The following P4HA2 variants were observed in gnomAD, a reference collection of about 807,000 sequenced individuals.
The protein encoded by P4HA2 is prolyl 4-hydroxylase subunit alpha-2.
In P4HA2, 46 loss-of-function variants were observed where a neutral mutation model predicts 76.9. The ratio of observed to expected loss-of-function variants is 0.60; its 90% CI spans 0.47 to 0.76. The LOEUF (loss-of-function observed/expected upper bound fraction) is 0.76. Ranked by LOEUF, P4HA2 falls within the 30% of genes least tolerant of loss-of-function variation. P4HA2 has a pLI of 0.00. For missense variants in P4HA2, 583 were observed against 669.4 expected (o/e 0.87, Z 1.42); for synonymous variants, 243 against 254.0 (o/e 0.96, Z 0.41).
At chr5:132,219,408 A>G (rs1196123760) in intron 1 of P4HA2, among the ~76,000 whole-genome samples, 1 of 152,198 alleles carries the variant, frequency 6.6e-6, no homozygotes, top group Non-Finnish European at 1.5e-5. Context: ...TATGGCACAC[A>G]TGGCCAAAAC....
chr5:132,195,726 A>ATCCG (rs1418510000), intron 12 of P4HA2: 3 of 559,212 alleles, frequency 5.4e-6, no homozygotes, highest in Admixed American at 6.1e-5. Context: ...GGAGACCCAC[A>ATCCG]TCCGGGCTGT....
chr5:132,227,442 G>A (rs1755554860), intron 1 of P4HA2: 2 of 152,388 alleles, frequency 1.3e-5, no homozygotes, highest in South Asian at 2.1e-4. Flanking sequence ...GCAGCCCGGG[G>A]TCAGGCCGCC....
At chr5:132,220,615 A>G (rs1015088125) in intron 1 of P4HA2, among the ~76,000 whole-genome samples, 7 of 152,164 alleles carry the variant, frequency 4.6e-5, no homozygotes, top group Non-Finnish European at 8.8e-5. Flanking sequence ...CCTATCATCT[A>G]CGGTTCATAC....
rs373102673 is a variant in P4HA2, at chr5:132,193,114, T to C, written c.1532-34A>G. ...AGAAAGCAAGCATGTTACAATCCTA[T>C]TGGTCAGTTTAGTAGCCTGAATGAA... On this transcript the variant is annotated intron_variant, in intron 14 of 14. Coordinates refer to ENST00000360568, the MANE Select transcript of P4HA2 (RefSeq NM_001017974.2). The C allele has an allele frequency of 9.2e-6, 14 of 1,515,300 alleles. No homozygotes were observed. In the African/African-American group the frequency reaches 1.2e-4, roughly 13 times the overall value. The allele number at this position is 1,515,300 out of a possible 1,614,324, so 93.9% of individuals were successfully genotyped here. A position where few individuals can be genotyped will look rare whatever the true frequency, so the allele number is the denominator to read the frequency against.
chr5:132,195,422 C>T lies in P4HA2; in HGVS notation c.1424G>A (p.Trp475Ter). The change falls in exon 13 of 15, where the codon TGG (tryptophan) becomes TAG (stop). Residue 475 changes from tryptophan (W) to a stop codon, truncating the protein, a stop_gained. Transcript: ENST00000360568. LOFTEE classifies it high-confidence loss of function. ...TVFPDLGAAI[W>*]PKKGTAVFWY... is the part of the protein sequence containing the mutation. ...AGAATCAGAACTTACCTTCTTAGGC[C>T]AAATTGCAGCCCCCAGATCAGGGAA... The T allele has an allele frequency of 6.2e-7, 1 of 1,612,444 alleles. No individual in the cohort carries two copies. Among genetic ancestry groups the T allele is most frequent in the Non-Finnish European group, 8.5e-7 (1 of 1,178,464 alleles).
In P4HA2 at chr5:132,216,965, TA is replaced by T. The variant is rs547874807; in HGVS notation, c.331+231del. ...GCAAAAAATAAGAAAAGACAGACAC[TA>T]AAAAAAAGACGCTAAAAAAAGAACT... On this transcript the variant is annotated intron_variant, in intron 4 of 14. Coordinates refer to ENST00000360568, the MANE Select transcript of P4HA2 (RefSeq NM_001017974.2). Among the ~76,000 whole-genome samples, 379 of 151,612 alleles carry T rather than the reference TA, an allele frequency of 2.5e-3. 1 individual carries two copies. The highest frequency in any genetic ancestry group is 9.0e-3 in the African/African-American group (370 of 41,302).
At chr5:132,221,791 C>CT (rs1462038924) in intron 1 of P4HA2, among the ~76,000 whole-genome samples, 5 of 152,236 alleles carry the variant, frequency 3.3e-5, no homozygotes, top group African/African-American at 1.2e-4. Context: ...CTCAAACAGA[C>CT]TCCAAACGGG....
chr5:132,199,981 G>GCCTCCCA (rs1751252145), intron 10 of P4HA2: 1 of 152,340 alleles, frequency 6.6e-6, no homozygotes. Flanking sequence ...TGAGAGGACT[G>GCCTCCCA]CTTGAGCTCA....
intron 1 of P4HA2, among the ~76,000 whole-genome samples, chr5:132,220,900 G>A (rs1754568313): frequency 6.6e-6 from 1 of 152,176 alleles, no homozygotes; most frequent in African/African-American, 2.4e-5. Flanking sequence ...AACTAACTCT[G>A]CTAGCCTGGA....
chr5:132,215,767 C>T (rs1388574968), intron 4 of P4HA2, among the ~76,000 whole-genome samples: 2 of 144,856 alleles, frequency 1.4e-5, no homozygotes, highest in Non-Finnish European at 3.0e-5. Flanking sequence ...GGCCAGGAGT[C>T]CAAGGTTGCA....
At chr5:132,204,600 T>G (rs542890365) in intron 8 of P4HA2, among the ~76,000 whole-genome samples, 73 of 152,254 alleles carry the variant, frequency 4.8e-4, no homozygotes, top group Admixed American at 8.5e-4. Context: ...TTGAGTCAAG[T>G]TCCACCATCC....
At chr5:132,195,597 T>C (rs1750518110) in intron 12 of P4HA2, 117 bp from the exon 13 acceptor site, 1 of 755,868 alleles carries the variant, frequency 1.3e-6, no homozygotes. Context: ...GTGACACTAC[T>C]TGGTGTCTGC....
rs201154962 is a variant in P4HA2, at chr5:132,192,930, A to G, written c.*80T>C. On this transcript the variant is annotated 3_prime_UTR_variant, in exon 15 of 15. Transcript: ENST00000360568. ...TTCTCCAAAAATCAGCCTGATAGGA[A>G]CATACAAAGGAACATACAAAGGTGT... 5 of 909,338 alleles carry G rather than the reference A, an allele frequency of 5.5e-6. No homozygotes were observed. The highest frequency in any genetic ancestry group is 9.2e-6 in the Non-Finnish European group (5 of 545,818). The allele number at this position is 909,338 out of a possible 1,614,324, so 56.3% of individuals were successfully genotyped here.
chr5:132,217,549 G>A, intron 3 of P4HA2: 2 of 639,276 alleles, frequency 3.1e-6, no homozygotes, highest in South Asian at 3.9e-5. Flanking sequence ...CAATGTAAGG[G>A]AAAAGGTCTT....
Position 132,198,388 on chromosome 5 carries a change from A to T in P4HA2, c.1306-8T>A, listed in dbSNP as rs1750999026. 1 of 1,612,678 alleles carries T rather than the reference A, an allele frequency of 6.2e-7. No homozygotes were observed. The highest frequency in any genetic ancestry group is 1.1e-5 in the South Asian group (1 of 91,000). On this transcript the variant is annotated splice_polypyrimidine_tract_variant and splice_region_variant and intron_variant, in intron 11 of 14. Transcript: ENST00000360568. ...GCCGCTGTCAAAAGGTCGCTGCAAC[A>T]GACAACAACTTTCACCCAAGTTTAC...
At chr5:132,194,192 T>TA (rs1750256876) in intron 14 of P4HA2, among the ~76,000 whole-genome samples, 1 of 152,218 alleles carries the variant, frequency 6.6e-6, no homozygotes, top group East Asian at 1.9e-4. Context: ...TTATATCATG[T>TA]GTTACACCTG....
chr5:132,220,534 T>C (rs563688007), intron 1 of P4HA2, among the ~76,000 whole-genome samples: 11 of 152,376 alleles, frequency 7.2e-5, no homozygotes, highest in African/African-American at 2.4e-4. Context: ...CCAGTTGCAG[T>C]TGCATACCTT....
At chr5:132,195,814 T>TG in intron 12 of P4HA2, 1 of 377,252 alleles carries the variant, frequency 2.7e-6, no homozygotes, top group Non-Finnish European at 5.0e-6. Flanking sequence ...CATCTAGCCT[T>TG]GGCCTTGCCT....
intron 1 of P4HA2, among the ~76,000 whole-genome samples, chr5:132,221,713 A>AT (rs1754668729): frequency 6.6e-6 from 1 of 152,236 alleles, no homozygotes; most frequent in East Asian, 1.9e-4. Context: ...TCTACAAGAA[A>AT]TTCTATAGCA....
Sources: allele counts gnomAD v4.1 joint callset (sites outside exome capture counted in the v4.1 genomes callset), GRCh38; gene constraint gnomAD v4.1.1; transcripts MANE v1.5; gene names NCBI Gene and HGNC (gene_info 2026-07-23, HGNC 2026-07-21).